The following RNF14 variants were observed in gnomAD, a reference collection of about 807,000 sequenced individuals.
RNF14 encodes the protein E3 ubiquitin-protein ligase RNF14.
In RNF14, 26 loss-of-function variants were observed where a neutral mutation model predicts 52.6. The observed-to-expected ratio is 0.49, with a 90% confidence interval of 0.36 to 0.69. RNF14 has a LOEUF of 0.69. Ranked by LOEUF, RNF14 falls within the 30% of genes least tolerant of loss-of-function variation. The pLI is 0.00. For synonymous variants in RNF14, 194 were observed against 202.0 expected, an observed-to-expected ratio of 0.96 and a Z score of 0.34; for missense variants, 404 against 560.4, an observed-to-expected ratio of 0.72 and a Z score of 2.82.
At chr5:141,954,898 G>T, upstream of RNF14, 1 of 1,528,876 alleles carries the variant, frequency 6.5e-7, no homozygotes, top group South Asian at 1.3e-5. Flanking sequence ...GACTGTGCAG[G>T]TTATGGGGGT....
chr5:141,964,081 G>A (rs942108836), upstream of RNF14, among the ~76,000 whole-genome samples: 1 of 152,184 alleles, frequency 6.6e-6, no homozygotes, highest in African/African-American at 2.4e-5. Flanking sequence ...GCCTATTATT[G>A]TAAATCAAAT....
At chr5:141,950,072 A>G in the RNF14 span, among the ~76,000 whole-genome samples, 1 of 152,170 alleles carries the variant, frequency 6.6e-6, no homozygotes, top group Non-Finnish European at 1.5e-5. Context: ...AGGGCGTGGC[A>G]CACAGTGGGT....
intron 3 of RNF14, 62 bp from the exon 4 acceptor site, chr5:141,974,742 A>G: frequency 6.5e-7 from 1 of 1,527,756 alleles, no homozygotes; most frequent in Non-Finnish European, 9.0e-7. Context: ...AGCGCTGCTC[A>G]ACAGTAGTGG....
At chr5:141,953,118 G>A in the RNF14 span, 1 of 152,236 alleles carries the variant, frequency 6.6e-6, no homozygotes, top group Non-Finnish European at 1.5e-5. Context: ...TACATGCCAA[G>A]CCCTATGCTG....
intron 1 of RNF14, among the ~76,000 whole-genome samples, chr5:141,970,097 T>C (rs1259222708): frequency 6.6e-6 from 1 of 152,238 alleles, no homozygotes; most frequent in East Asian, 1.9e-4. Context: ...TGGTTTTGTA[T>C]ATAGTATTTT....
chr5:141,971,493 C>CA (rs756323586), intron 2 of RNF14, among the ~76,000 whole-genome samples: 1 of 152,164 alleles, frequency 6.6e-6, no homozygotes, highest in Non-Finnish European at 1.5e-5. Context: ...CTTGGCCTCC[C>CA]AAAGTGCTGG....
rs561428185 is a variant in RNF14, at chr5:141,976,841, C to G, written c.307-1462C>G. 1.6e-4 allele frequency among the ~76,000 whole-genome samples: 22 copies of G among 134,276 alleles called. No individual in the cohort carries two copies. The Admixed American group carries it at 1.9e-3, about 12-fold the overall frequency. The allele number at this position is 134,276 out of a possible 152,430, so 88.1% of individuals were successfully genotyped here. A position where few individuals can be genotyped will look rare whatever the true frequency, so the allele number is the denominator to read the frequency against. On this transcript the variant is annotated intron_variant, in intron 4 of 8. Transcript: ENST00000394520. ...TCTTGCTCTGTCACCCAGGCTGGAGCACAGGGGCACAATCTCAGCTCACTA... is the reference window on the plus strand; with the variant it reads ...TCTTGCTCTGTCACCCAGGCTGGAGGACAGGGGCACAATCTCAGCTCACTA...
At chr5:141,962,318 G>T (rs1302422808), upstream of RNF14, among the ~76,000 whole-genome samples, 1 of 152,190 alleles carries the variant, frequency 6.6e-6, no homozygotes, top group African/African-American at 2.4e-5. Flanking sequence ...TTTATGTCTT[G>T]GTTAACAGCG....
At chr5:141,968,226 C>G (rs1477380235), upstream of RNF14, among the ~76,000 whole-genome samples, 1 of 151,910 alleles carries the variant, frequency 6.6e-6, no homozygotes, top group Non-Finnish European at 1.5e-5. Context: ...CTGCCTCAGC[C>G]TCCCTAGTAG....
chr5:141,981,804 A>T (rs1754805235), intron 6 of RNF14: 1 of 151,704 alleles, frequency 6.6e-6, no homozygotes, highest in South Asian at 2.1e-4. Context: ...AGTGAGCCAG[A>T]TTGCACCACT....
intron 6 of RNF14, among the ~76,000 whole-genome samples, 154 bp from the exon 7 acceptor site, chr5:141,983,226 T>C (rs1041018104): frequency 1.3e-5 from 2 of 152,246 alleles, no homozygotes; most frequent in African/African-American, 2.4e-5. Context: ...GCCATTGTTA[T>C]ATGCATCTCC....
intron 8 of RNF14, 50 bp from the exon 9 acceptor site, chr5:141,987,683 A>G: frequency 5.8e-6 from 9 of 1,563,734 alleles, no homozygotes; most frequent in Non-Finnish European, 7.0e-6. Flanking sequence ...GAGGCAATTT[A>G]TATTGTTTCG....
At chr5:141,962,784 T>C (rs1327664679), upstream of RNF14, among the ~76,000 whole-genome samples, 2 of 152,238 alleles carry the variant, frequency 1.3e-5, no homozygotes, top group South Asian at 2.1e-4. Context: ...GACCCAAAAC[T>C]GGACCACTTG....
At chr5:141,974,058 CG>C (rs1754031228) in intron 3 of RNF14, among the ~76,000 whole-genome samples, 1 of 152,108 alleles carries the variant, frequency 6.6e-6, no homozygotes, top group African/African-American at 2.4e-5. Flanking sequence ...TATGTGAAAA[CG>C]CTTAGAAATT....
At chr5:141,981,337 CTG>C (rs1042833346) in intron 6 of RNF14, among the ~76,000 whole-genome samples, 45 of 152,170 alleles carry the variant, frequency 3.0e-4, no homozygotes, top group African/African-American at 9.4e-4. Context: ...TGTTAGCTGA[CTG>C]TGGTGGTGCA....
chr5:141,981,909 G>A (rs1754822376), intron 6 of RNF14, among the ~76,000 whole-genome samples: 1 of 151,878 alleles, frequency 6.6e-6, no homozygotes, highest in South Asian at 2.1e-4. Context: ...TATTATTGTA[G>A]TTATTACTTG....
At chr5:141,950,403 T>C in the RNF14 span, among the ~76,000 whole-genome samples, 1,457 of 152,258 alleles carry the variant, frequency 9.6e-3, 25 homozygotes, top group African/African-American at 0.034. Context: ...GTGGCAAGTG[T>C]GTGGGTGATA....
upstream of RNF14, among the ~76,000 whole-genome samples, chr5:141,963,692 C>T (rs1753293226): frequency 6.6e-6 from 1 of 152,138 alleles, no homozygotes; most frequent in African/African-American, 2.4e-5. Context: ...ATTTTTTTGG[C>T]AAGGGAAGTA....
At chr5:141,987,632 A>G in intron 8 of RNF14, 101 bp from the exon 9 acceptor site, 1 of 1,124,032 alleles carries the variant, frequency 8.9e-7, no homozygotes. Flanking sequence ...GAAAAGATGT[A>G]CAAAGATGTT....
Sources: allele counts gnomAD v4.1 joint callset (sites outside exome capture counted in the v4.1 genomes callset), GRCh38; gene constraint gnomAD v4.1.1; transcripts MANE v1.5; gene names NCBI Gene and HGNC (gene_info 2026-07-23, HGNC 2026-07-21).